CTNNA2: variants seen among roughly 807,000 people sequenced by gnomAD.
CTNNA2 encodes catenin alpha-2.
CTNNA2 carries 42 observed loss-of-function variants against 101.0 expected under a neutral mutation model. The observed-to-expected ratio is 0.42, with a 90% CI of 0.32 to 0.54. The LOEUF is 0.54. Ranked by LOEUF, CTNNA2 falls within the 20% of genes least tolerant of loss-of-function variation. The probability of loss-of-function intolerance (pLI) is 0.14; values close to 1 mark genes in which losing one functional copy is unlikely to be tolerated. For synonymous variants in CTNNA2, 450 were observed against 456.4 expected, an observed-to-expected ratio of 0.99 and a Z score of 0.18; for missense variants, 871 against 1,223.1, an observed-to-expected ratio of 0.71 and a Z score of 4.29.
chr2:79,572,609 A>G (rs1675526206), intron 1 of CTNNA2, among the ~76,000 whole-genome samples: 1 of 152,164 alleles, frequency 6.6e-6, no homozygotes, highest in Admixed American at 6.5e-5. Flanking sequence ...AAAATTAGCC[A>G]TGCGTGGTGG....
chr2:79,920,261 A>G (rs574707145), intron 7 of CTNNA2, among the ~76,000 whole-genome samples: 1 of 152,182 alleles, frequency 6.6e-6, no homozygotes, highest in East Asian at 1.9e-4. Flanking sequence ...TAAACTTTGC[A>G]TAGATGGCTG....
chr2:79,563,809 A>G (rs1012465546), intron 1 of CTNNA2, among the ~76,000 whole-genome samples: 5 of 152,192 alleles, frequency 3.3e-5, no homozygotes, highest in African/African-American at 1.2e-4. Flanking sequence ...TTAATTTGGA[A>G]AAAACATACT....
Position 80,020,570 on chromosome 2 carries a change from T to A in CTNNA2, c.1056+110773T>A, listed in dbSNP as rs536759434. ...TATTTTTAAGTGACTGACAATATAA[T>A]ATTTAAGTAGTTGACAATAAAGTCA... On this transcript the variant is annotated intron_variant, in intron 7 of 18. Coordinates refer to ENST00000402739, the MANE Select transcript of CTNNA2 (RefSeq NM_001282597.3). Among the ~76,000 whole-genome samples, 5 of 152,330 alleles carry A rather than the reference T, an allele frequency of 3.3e-5. No individual in the cohort carries two copies. The South Asian group carries it at 1.0e-3, about 32-fold the overall frequency.
chr2:79,854,442 G>A (rs1680971053), intron 3 of CTNNA2, among the ~76,000 whole-genome samples: 1 of 152,180 alleles, frequency 6.6e-6, no homozygotes, highest in African/African-American at 2.4e-5. Flanking sequence ...TTTTACAGTT[G>A]ACTGGACTGA....
chr2:80,462,061 G>T (rs909920255), intron 9 of CTNNA2, among the ~76,000 whole-genome samples: 23 of 152,324 alleles, frequency 1.5e-4, no homozygotes, highest in Middle Eastern at 3.4e-3. Flanking sequence ...ATTATGTACA[G>T]TGCCTTGGGC....
At chr2:79,772,158 T>C (rs1402793856) in intron 3 of CTNNA2, among the ~76,000 whole-genome samples, 1 of 152,120 alleles carries the variant, frequency 6.6e-6, no homozygotes, top group Non-Finnish European at 1.5e-5. Context: ...TTCCTTTCAC[T>C]AATATTTATT....
chr2:80,416,296 TA>T (rs1283345760), intron 8 of CTNNA2, among the ~76,000 whole-genome samples: 1 of 152,182 alleles, frequency 6.6e-6, no homozygotes, highest in African/African-American at 2.4e-5. Context: ...TATATGTTTA[TA>T]AAAAATGTAT....
intron 8 of CTNNA2, among the ~76,000 whole-genome samples, chr2:80,414,240 G>A (rs11902575): frequency 0.27 from 41,524 of 152,128 alleles, 9,560 homozygotes; most frequent in African/African-American, 0.64. Flanking sequence ...GCATAAAAGA[G>A]TGCAGCACTT....
chr2:80,627,363 T>A (rs1671793876), intron 18 of CTNNA2, among the ~76,000 whole-genome samples: 1 of 152,140 alleles, frequency 6.6e-6, no homozygotes, highest in African/African-American at 2.4e-5. Flanking sequence ...TTTCTCCACA[T>A]CCTCTCCAGC....
intron 7 of CTNNA2, among the ~76,000 whole-genome samples, chr2:80,296,292 T>G (rs1161552720): frequency 6.6e-6 from 1 of 152,174 alleles, no homozygotes; most frequent in African/African-American, 2.4e-5. Flanking sequence ...GTTGGATTTG[T>G]TCAGACTGCA....
intron 2 of CTNNA2, among the ~76,000 whole-genome samples, chr2:79,690,128 A>T (rs1245531560): frequency 6.6e-6 from 1 of 152,006 alleles, no homozygotes; most frequent in Admixed American, 6.6e-5. Context: ...AACTGCATGT[A>T]TTAGTACTTA....
At chr2:79,627,016 T>G (rs1343704288) in intron 1 of CTNNA2, among the ~76,000 whole-genome samples, 1 of 152,206 alleles carries the variant, frequency 6.6e-6, no homozygotes, top group African/African-American at 2.4e-5. Flanking sequence ...GTTTCTAAGA[T>G]TGCCTGTCCC....
intron 11 of CTNNA2, among the ~76,000 whole-genome samples, chr2:80,550,205 T>C (rs1454176741): frequency 1.3e-5 from 2 of 152,238 alleles, no homozygotes; most frequent in African/African-American, 2.4e-5. Flanking sequence ...CCATTAACTG[T>C]GCAGTAGGAT....
At chr2:80,432,177 G>A (rs142856349) in intron 9 of CTNNA2, among the ~76,000 whole-genome samples, 7 of 151,856 alleles carry the variant, frequency 4.6e-5, no homozygotes, top group South Asian at 2.1e-4. Flanking sequence ...GAATAACATC[G>A]TTTTGCTTAT....
intron 2 of CTNNA2, among the ~76,000 whole-genome samples, chr2:79,695,554 A>C (rs1684602246): frequency 6.6e-6 from 1 of 152,030 alleles, no homozygotes; most frequent in Non-Finnish European, 1.5e-5. Context: ...GGTCCCATGT[A>C]CAAAAAATGG....
intron 6 of CTNNA2, among the ~76,000 whole-genome samples, chr2:79,900,154 A>G (rs983031478): frequency 2.7e-4 from 41 of 152,298 alleles, no homozygotes; most frequent in African/African-American, 9.4e-4. Context: ...CTCATTGTCT[A>G]TAGGTGTCTT....
intron 7 of CTNNA2, among the ~76,000 whole-genome samples, chr2:80,014,316 G>A (rs1693987852): frequency 6.6e-6 from 1 of 151,872 alleles, no homozygotes; most frequent in African/African-American, 2.4e-5. Context: ...TGTGGTAAAG[G>A]GCATGGTTCC....
intron 7 of CTNNA2, among the ~76,000 whole-genome samples, chr2:80,375,137 A>G (rs1167211035): frequency 1.3e-5 from 2 of 152,096 alleles, no homozygotes; most frequent in African/African-American, 4.8e-5. Context: ...GACTGTATTT[A>G]ATGTTTATTA....
At chr2:80,350,346 T>A (rs1222945566) in intron 7 of CTNNA2, among the ~76,000 whole-genome samples, 1 of 152,194 alleles carries the variant, frequency 6.6e-6, no homozygotes, top group Non-Finnish European at 1.5e-5. Context: ...ATTCTCTATG[T>A]TAAATCTAAA....
Sources: gnomAD v4.1 joint callset for allele counts (sites outside exome capture counted in the v4.1 genomes callset) on GRCh38, gnomAD v4.1.1 for gene constraint, MANE v1.5 for transcripts, NCBI Gene and HGNC (gene_info 2026-07-23, HGNC 2026-07-21) for gene names.